The following CPNE5 variants were observed in gnomAD, a reference collection of about 807,000 sequenced individuals.
CPNE5 encodes copine-5.
CPNE5 carries 42 observed loss-of-function variants against 81.1 expected under a neutral mutation model. That is an observed-to-expected ratio of 0.52 (90% CI 0.40 to 0.67). The LOEUF (loss-of-function observed/expected upper bound fraction) is 0.67, where lower values mean the gene tolerates loss of function less well. Ranked by LOEUF, CPNE5 falls within the 30% of genes least tolerant of loss-of-function variation. The pLI, the probability that CPNE5 is intolerant of heterozygous loss-of-function variation, is 0.00. For synonymous variants in CPNE5, 313 were observed against 321.5 expected, an observed-to-expected ratio of 0.97 and a Z score of 0.28; for missense variants, 612 against 815.5, an observed-to-expected ratio of 0.75 and a Z score of 3.04.
At chr6:36,763,040 C>T in intron 11 of CPNE5, 48 bp from the exon 12 acceptor site, 2 of 1,531,024 alleles carry the variant, frequency 1.3e-6, no homozygotes, top group East Asian at 2.2e-5. Context: ...TGTGCCCTGC[C>T]TCTGCCCAGC....
chr6:36,768,915 C>T (rs1426374076), intron 10 of CPNE5, among the ~76,000 whole-genome samples: 3 of 152,236 alleles, frequency 2.0e-5, no homozygotes, highest in Non-Finnish European at 4.4e-5. Context: ...AGACACTCCC[C>T]TCCTTTCCAA....
chr6:36,788,656 G>A (rs981499274), intron 8 of CPNE5, among the ~76,000 whole-genome samples: 1 of 147,642 alleles, frequency 6.8e-6, no homozygotes. Flanking sequence ...TTTTACTGCT[G>A]TATTACAGGC....
At chr6:36,790,742 A>C (rs1237200041) in intron 8 of CPNE5, among the ~76,000 whole-genome samples, 1 of 151,956 alleles carries the variant, frequency 6.6e-6, no homozygotes, top group Non-Finnish European at 1.5e-5. Context: ...ACGGGGTTTC[A>C]CCATGCTGGC....
chr6:36,808,433 C>T (rs1013101389), intron 3 of CPNE5, among the ~76,000 whole-genome samples: 1 of 152,134 alleles, frequency 6.6e-6, no homozygotes, highest in Non-Finnish European at 1.5e-5. Flanking sequence ...CTTCTTCCTC[C>T]TCATCACCCA....
chr6:36,790,025 C>T (rs1582896411), intron 8 of CPNE5, among the ~76,000 whole-genome samples: 1 of 152,126 alleles, frequency 6.6e-6, no homozygotes, highest in East Asian at 1.9e-4. Flanking sequence ...TTTGTAACAC[C>T]ACAGTCCAGT....
At chr6:36,771,670 A>T (rs1767047793) in intron 10 of CPNE5, among the ~76,000 whole-genome samples, 1 of 152,186 alleles carries the variant, frequency 6.6e-6, no homozygotes, top group Admixed American at 6.5e-5. Context: ...CGGCTGCTGA[A>T]TTAAATCAAC....
chr6:36,743,498 G>C (rs559938023), intron 20 of CPNE5, among the ~76,000 whole-genome samples, 191 bp downstream of exon 20: 2 of 152,342 alleles, frequency 1.3e-5, no homozygotes, highest in East Asian at 3.9e-4. Flanking sequence ...TGACAGAGGG[G>C]GGCCCAGCCC....
intron 6 of CPNE5, among the ~76,000 whole-genome samples, chr6:36,795,877 T>C (rs1017872028): frequency 1.4e-4 from 22 of 152,104 alleles, no homozygotes; most frequent in African/African-American, 4.8e-4. Flanking sequence ...TAAACTAAGA[T>C]ATGTGAAATC....
intron 1 of CPNE5, among the ~76,000 whole-genome samples, chr6:36,832,536 C>A (rs1317980771): frequency 6.6e-6 from 1 of 152,172 alleles, no homozygotes; most frequent in African/African-American, 2.4e-5. Context: ...AGTTGTGATG[C>A]CTGAAGCAGA....
chr6:36,787,055 C>T (rs979436645), intron 8 of CPNE5, among the ~76,000 whole-genome samples: 2 of 152,220 alleles, frequency 1.3e-5, no homozygotes, highest in East Asian at 1.9e-4. Flanking sequence ...GCTGGTTACA[C>T]GGGATGCTCA....
At chr6:36,824,596 C>G (rs1717294328) in intron 1 of CPNE5, among the ~76,000 whole-genome samples, 1 of 152,232 alleles carries the variant, frequency 6.6e-6, no homozygotes, top group Admixed American at 6.5e-5. Flanking sequence ...AACTGCTTTT[C>G]TGGAGAAAAG....
At chr6:36,808,174 T>A (rs1226822879) in intron 3 of CPNE5, among the ~76,000 whole-genome samples, 5 of 151,960 alleles carry the variant, frequency 3.3e-5, no homozygotes, top group African/African-American at 1.2e-4. Flanking sequence ...CACTGCAACC[T>A]CTGCCTCCTG....
Position 36,741,638 on chromosome 6 carries a change from A to C in CPNE5, c.*630T>G, listed in dbSNP as rs1043979068. 6.6e-6 allele frequency: 1 copy of C among 152,242 alleles called. No individual in the cohort carries two copies. The highest frequency in any genetic ancestry group is 2.4e-5 in the African/African-American group (1 of 41,434). 9.4% of individuals were successfully genotyped at this position (152,242 alleles called of 1,614,324 possible). ...TTGCATCGTACTGAGTTCGAGAGGC[A>C]CCAGAAAGGGCTCTGTGCTGAGCAG... On this transcript the variant is annotated 3_prime_UTR_variant, in exon 21 of 21. Coordinates refer to ENST00000244751, the MANE Select transcript of CPNE5 (RefSeq NM_020939.2).
At chr6:36,796,900 A>C (rs574126113) in intron 6 of CPNE5, among the ~76,000 whole-genome samples, 43 of 152,020 alleles carry the variant, frequency 2.8e-4, no homozygotes, top group African/African-American at 9.4e-4. Flanking sequence ...ACACACACAC[A>C]TTGCAGTTAT....
intron 10 of CPNE5, 128 bp downstream of exon 10, chr6:36,774,833 A>G (rs1646406116): frequency 1.4e-6 from 1 of 713,706 alleles, no homozygotes; most frequent in African/African-American, 1.8e-5. Context: ...CCCCTACTGC[A>G]CAACTCCAGA....
At chr6:36,767,805 T>A (rs1053353703) in intron 10 of CPNE5, among the ~76,000 whole-genome samples, 1 of 152,240 alleles carries the variant, frequency 6.6e-6, no homozygotes, top group Non-Finnish European at 1.5e-5. Flanking sequence ...AAAAGTTCTG[T>A]GATGGATTCT....
chr6:36,820,393 G>A (rs2150583038), intron 3 of CPNE5, among the ~76,000 whole-genome samples: 1 of 145,316 alleles, frequency 6.9e-6, no homozygotes, highest in East Asian at 2.1e-4. Context: ...CCAGGCTGGA[G>A]TGCAGTGGTA....
chr6:36,831,337 C>T (rs754709066), intron 1 of CPNE5, among the ~76,000 whole-genome samples: 2 of 151,746 alleles, frequency 1.3e-5, no homozygotes, highest in African/African-American at 4.8e-5. Flanking sequence ...TTACAGGCTA[C>T]AGCCACCGCA....
intron 8 of CPNE5, among the ~76,000 whole-genome samples, chr6:36,787,335 C>T (rs1319830516): frequency 6.6e-6 from 1 of 152,062 alleles, no homozygotes; most frequent in Non-Finnish European, 1.5e-5. Context: ...GGCCCCAACT[C>T]CCACCATCAC....
Sources: gnomAD v4.1 joint callset for allele counts (sites outside exome capture counted in the v4.1 genomes callset) on GRCh38, gnomAD v4.1.1 for gene constraint, MANE v1.5 for transcripts, NCBI Gene and HGNC (gene_info 2026-07-23, HGNC 2026-07-21) for gene names.